ERBB4: variants seen among roughly 807,000 people sequenced by gnomAD.
The protein encoded by ERBB4 is erb-b2 receptor tyrosine kinase 4.
ERBB4 carries 42 observed loss-of-function variants against 158.0 expected under a neutral mutation model. The ratio of observed to expected loss-of-function variants is 0.27; its 90% CI spans 0.21 to 0.34. ERBB4 has a LOEUF of 0.34. Ranked by LOEUF, ERBB4 falls within the 10% of genes least tolerant of loss-of-function variation. The probability of loss-of-function intolerance (pLI) is 1.00; values close to 1 mark genes in which losing one functional copy is unlikely to be tolerated. For missense variants in ERBB4, 1,333 were observed against 1,624.1 expected (o/e 0.82, Z 3.08); for synonymous variants, 583 against 558.7 (o/e 1.04, Z -0.61).
chr2:211,805,645 ACAGT>A (rs2076596656), intron 3 of ERBB4, among the ~76,000 whole-genome samples: 1 of 152,196 alleles, frequency 6.6e-6, no homozygotes, highest in Non-Finnish European at 1.5e-5. Flanking sequence ...TTAATTTGTC[ACAGT>A]CAGTCAATGT....
intron 4 of ERBB4, chr2:211,779,277 G>C (rs1440951904): frequency 6.6e-6 from 1 of 152,178 alleles, no homozygotes; most frequent in Non-Finnish European, 1.5e-5. Context: ...CCTTTTCACA[G>C]TAGAGGTTTA....
intron 1 of ERBB4, among the ~76,000 whole-genome samples, chr2:212,487,491 C>G (rs1690040285): frequency 6.6e-6 from 1 of 150,768 alleles, no homozygotes; most frequent in Non-Finnish European, 1.5e-5. Context: ...TCTGTACAGA[C>G]AGAGCTGAAA....
chr2:211,619,133 T>C lies in ERBB4; in HGVS notation c.2301+44A>G, dbSNP rs565752496. On this transcript the variant is annotated intron_variant, in intron 19 of 27. Coordinates refer to ENST00000342788, the MANE Select transcript of ERBB4 (RefSeq NM_005235.3). ...TGCTTTAATTATCTAAGCAGGCTAT[T>C]TGATAATGGAGAAAAATGTGATTGC... 203 of 1,167,306 alleles carry C rather than the reference T, an allele frequency of 1.7e-4. 1 individual carries two copies. In the South Asian group the frequency reaches 2.4e-3, roughly 14 times the overall value. The allele number at this position is 1,167,306 out of a possible 1,614,324, so 72.3% of individuals were successfully genotyped here.
chr2:212,095,934 CA>C (rs746751111), intron 2 of ERBB4, among the ~76,000 whole-genome samples: 4,299 of 53,038 alleles, frequency 0.081, 90 homozygotes, highest in African/African-American at 0.16. Flanking sequence ...GACTCTGTCT[CA>C]AAAAAAAAAA....
rs60677352 is a variant in ERBB4, at chr2:211,861,793, T to C, written c.422-73634A>G. Among the ~76,000 whole-genome samples, 129 of 152,070 alleles carry C rather than the reference T, an allele frequency of 8.5e-4. 1 individual carries two copies. Among genetic ancestry groups the C allele is most frequent in the African/African-American group, 3.1e-3 (128 of 41,480 alleles). On this transcript the variant is annotated intron_variant, in intron 3 of 27. Transcript: ENST00000342788. The stretch of plus-strand genomic sequence containing the variant: ...TAAACAAACAACTCAGTGGATGAAA[T>C]GAATGTGTGTGATCAGCAAACAGCA...
intron 1 of ERBB4, among the ~76,000 whole-genome samples, chr2:212,344,486 GT>G (rs2088883273): frequency 6.6e-6 from 1 of 152,006 alleles, no homozygotes; most frequent in South Asian, 2.1e-4. Context: ...ATGTGTGTGT[GT>G]GTGTGTGTGT....
At chr2:212,498,504 G>T (rs913138977) in intron 1 of ERBB4, among the ~76,000 whole-genome samples, 10 of 152,032 alleles carry the variant, frequency 6.6e-5, no homozygotes, top group Middle Eastern at 3.2e-3. Flanking sequence ...AACAGTTCAA[G>T]TATTTTCAGT....
intron 2 of ERBB4, among the ~76,000 whole-genome samples, chr2:211,954,973 T>TC (rs1258161317): frequency 6.6e-6 from 1 of 152,050 alleles, no homozygotes; most frequent in Non-Finnish European, 1.5e-5. Context: ...CGTTCATTTT[T>TC]CCCATTGTTT....
intron 20 of ERBB4, among the ~76,000 whole-genome samples, chr2:211,524,224 T>C (rs547857381): frequency 2.0e-5 from 3 of 151,250 alleles, no homozygotes; most frequent in African/African-American, 7.3e-5. Flanking sequence ...CTGAGCTAAA[T>C]ACAGGGTGCT....
intron 3 of ERBB4, among the ~76,000 whole-genome samples, chr2:211,850,272 T>G (rs1030574265): frequency 1.3e-5 from 2 of 151,848 alleles, no homozygotes; most frequent in African/African-American, 4.8e-5. Context: ...AGTCTTTGAG[T>G]TCTTCCACTT....
chr2:212,511,988 TAG>T (rs1045840366), intron 1 of ERBB4, among the ~76,000 whole-genome samples: 4 of 152,156 alleles, frequency 2.6e-5, no homozygotes, highest in Admixed American at 1.3e-4. Context: ...CTCTTTTCAT[TAG>T]AGAGTTTCTC....
intron 1 of ERBB4, among the ~76,000 whole-genome samples, chr2:212,530,417 A>G: frequency 6.6e-6 from 1 of 152,194 alleles, no homozygotes; most frequent in East Asian, 1.9e-4. Context: ...CCATATTCTC[A>G]CATTCTTTAA....
intron 1 of ERBB4, among the ~76,000 whole-genome samples, chr2:212,459,027 T>C (rs764219356): frequency 2.6e-5 from 4 of 152,138 alleles, no homozygotes. Flanking sequence ...GCTAATTAGC[T>C]CCTTTGGATA....
intron 1 of ERBB4, among the ~76,000 whole-genome samples, chr2:212,356,542 T>C: frequency 6.6e-6 from 1 of 152,008 alleles, no homozygotes; most frequent in African/African-American, 2.4e-5. Context: ...CAAAGCATGA[T>C]CTTCATAATT....
intron 1 of ERBB4, among the ~76,000 whole-genome samples, chr2:212,450,206 T>C (rs2092424972): frequency 6.6e-6 from 1 of 152,172 alleles, no homozygotes; most frequent in Admixed American, 6.5e-5. Context: ...AGTATGACTA[T>C]ATCAATGTCC....
At chr2:212,531,249 T>C (rs765304197) in intron 1 of ERBB4, among the ~76,000 whole-genome samples, 1 of 152,156 alleles carries the variant, frequency 6.6e-6, no homozygotes. Context: ...AGAACACTTA[T>C]CATGCCCAAG....
intron 1 of ERBB4, among the ~76,000 whole-genome samples, chr2:212,445,482 C>T (rs2092330803): frequency 6.6e-6 from 1 of 152,100 alleles, no homozygotes; most frequent in South Asian, 2.1e-4. Context: ...AGATTGCCAC[C>T]TAGACACTTT....
intron 2 of ERBB4, among the ~76,000 whole-genome samples, chr2:212,033,004 A>G (rs16847554): frequency 0.092 from 14,040 of 152,046 alleles, 1,309 homozygotes; most frequent in African/African-American, 0.24. Flanking sequence ...TTTCACTTCT[A>G]TGTGAGAGTT....
chr2:212,139,550 G>T (rs1216678481), intron 1 of ERBB4, among the ~76,000 whole-genome samples: 1 of 151,838 alleles, frequency 6.6e-6, no homozygotes, highest in Non-Finnish European at 1.5e-5. Flanking sequence ...AATAATTGAT[G>T]ATTTTTTTCC....
Sources: allele counts gnomAD v4.1 joint callset (sites outside exome capture counted in the v4.1 genomes callset), GRCh38; gene constraint gnomAD v4.1.1; transcripts MANE v1.5; gene names NCBI Gene and HGNC (gene_info 2026-07-23, HGNC 2026-07-21).